The following DGLUCY variants were observed in gnomAD, a reference collection of about 807,000 sequenced individuals.
The protein encoded by DGLUCY is D-glutamate cyclase.
DGLUCY carries 58 observed loss-of-function variants against 58.5 expected under a neutral mutation model. The ratio of observed to expected loss-of-function variants is 0.99; its 90% CI spans 0.80 to 1.23. DGLUCY has a LOEUF of 1.23. Among genes scored for constraint, DGLUCY ranks in the 50% most tolerant of loss-of-function variants. DGLUCY has a pLI of 0.00. For synonymous variants in DGLUCY, 325 were observed against 314.1 expected, an observed-to-expected ratio of 1.03 and a Z score of -0.37; for missense variants, 779 against 784.7, an observed-to-expected ratio of 0.99 and a Z score of 0.09.
chr14:91,083,583 C>G (rs902580574), intron 1 of DGLUCY, among the ~76,000 whole-genome samples: 2 of 151,824 alleles, frequency 1.3e-5, no homozygotes, highest in African/African-American at 2.4e-5. Context: ...CACGCCTGAC[C>G]CAGATGTCCT....
At chr14:91,223,653 C>A in intron 13 of DGLUCY, 1 of 1,278,666 alleles carries the variant, frequency 7.8e-7, no homozygotes, top group Non-Finnish European at 1.0e-6. Context: ...GAGGATCAAA[C>A]CACTTTTTTT....
chr14:91,086,560 A>G (rs1383275149), intron 1 of DGLUCY, among the ~76,000 whole-genome samples: 5 of 152,184 alleles, frequency 3.3e-5, no homozygotes, highest in Non-Finnish European at 5.9e-5. Flanking sequence ...AAAAGCCTGT[A>G]CATGTTCAGT....
rs1289197452 is a variant in DGLUCY at position 91,224,711 on chromosome 14, C to T, written c.1744C>T (p.Gln582Ter). 6.2e-7 allele frequency: 1 copy of T among 1,609,428 alleles called. No homozygotes were observed. The highest frequency in any genetic ancestry group is 1.1e-5 in the South Asian group (1 of 90,834). ...AGAAAAAATGCTGGGCATCTTGGTG[C>T]AGCACAAAGTCCGGAGTGGCGTCTC... is the stretch of plus-strand genomic sequence containing the variant. ...KEEKMLGILV[Q>*]HKVRSGVSGI... Residue 582 changes from glutamine to a stop codon, truncating the protein, a stop_gained, in exon 14 of 14, where the codon CAG becomes TAG. Transcript: ENST00000256324. LOFTEE classifies it low-confidence loss of function (END_TRUNC).
At chr14:91,174,005 T>A (rs1200106142) in intron 6 of DGLUCY, among the ~76,000 whole-genome samples, 1 of 152,104 alleles carries the variant, frequency 6.6e-6, no homozygotes, top group Admixed American at 6.6e-5. Context: ...AAGGTAGGAT[T>A]AGAGGGTTGG....
intron 9 of DGLUCY, among the ~76,000 whole-genome samples, chr14:91,190,978 C>G (rs1018958511): frequency 6.6e-6 from 1 of 152,120 alleles, no homozygotes. Flanking sequence ...TCCCTTCAGC[C>G]GCACTTCTGA....
At chr14:91,149,140 G>A (rs985002811) in intron 1 of DGLUCY, among the ~76,000 whole-genome samples, 4 of 151,396 alleles carry the variant, frequency 2.6e-5, no homozygotes, top group African/African-American at 9.7e-5. Flanking sequence ...CCAGCTACTC[G>A]GGAGGCTGAG....
intron 10 of DGLUCY, among the ~76,000 whole-genome samples, chr14:91,198,758 C>T (rs2050373674): frequency 6.6e-6 from 1 of 152,164 alleles, no homozygotes; most frequent in Non-Finnish European, 1.5e-5. Flanking sequence ...GGCTTCATGA[C>T]AAGCGCCTCC....
intron 6 of DGLUCY, chr14:91,173,732 CAGATGCCCCTCAGGTTTAA>C: frequency 3.3e-6 from 1 of 304,458 alleles, no homozygotes; most frequent in Non-Finnish European, 6.1e-6. Flanking sequence ...GCTGGGCTTA[CAGATGCCCCTCAGGTTTAA>C]AGGTGCCACC....
chr14:91,071,866 CAAAAAA>C (rs921798938), intron 1 of DGLUCY, among the ~76,000 whole-genome samples: 13 of 108,340 alleles, frequency 1.2e-4, no homozygotes, highest in African/African-American at 4.5e-4. Flanking sequence ...GACTCCATCT[CAAAAAA>C]AAAAAAAAGA....
At chr14:91,151,741 G>T (rs796181165) in intron 1 of DGLUCY, among the ~76,000 whole-genome samples, 2 of 148,836 alleles carry the variant, frequency 1.3e-5, no homozygotes, top group African/African-American at 5.0e-5. Flanking sequence ...TGCAACCTCC[G>T]CCTCCTGAGT....
chr14:91,089,227 G>A (rs1049790903), intron 1 of DGLUCY, among the ~76,000 whole-genome samples: 6 of 152,320 alleles, frequency 3.9e-5, no homozygotes, highest in Middle Eastern at 6.8e-3. Flanking sequence ...GAAAGTCAGG[G>A]TTCTTTTGAT....
intron 1 of DGLUCY, among the ~76,000 whole-genome samples, chr14:91,084,328 C>T (rs1277888187): frequency 3.3e-5 from 5 of 151,866 alleles, no homozygotes; most frequent in African/African-American, 7.3e-5. Context: ...CTCAGCCTCC[C>T]GAGTAGCTGG....
chr14:91,173,526 T>A lies in DGLUCY; in HGVS notation c.607+87T>A, dbSNP rs540656467. The A allele has an allele frequency of 3.5e-6, 5 of 1,443,328 alleles. No individual in the cohort carries two copies. In the South Asian group the frequency reaches 7.2e-5, roughly 21 times the overall value. The allele number at this position is 1,443,328 out of a possible 1,614,324, so 89.4% of individuals were successfully genotyped here. A position where few individuals can be genotyped will look rare whatever the true frequency, so the allele number is the denominator to read the frequency against. On this transcript the variant is annotated intron_variant, in intron 6 of 13. Transcript: ENST00000256324. ...CTCTCGCTCCTGCCCATGATCCCCC[T>A]GTTCACATCGGCGACCCAGGTCAGT...
chr14:91,061,760 G>C (rs1028595695), intron 1 of DGLUCY, among the ~76,000 whole-genome samples: 2 of 152,220 alleles, frequency 1.3e-5, no homozygotes, highest in African/African-American at 4.8e-5. Context: ...AGCTGACAAG[G>C]TGAGGTGTGG....
At chr14:91,131,388 T>G (rs993510628) in intron 1 of DGLUCY, among the ~76,000 whole-genome samples, 1 of 151,964 alleles carries the variant, frequency 6.6e-6, no homozygotes, top group Non-Finnish European at 1.5e-5. Context: ...ATATTCTCTT[T>G]TTTTTTTGTC....
chr14:91,074,635 C>T (rs905068126), intron 1 of DGLUCY, among the ~76,000 whole-genome samples: 7 of 152,042 alleles, frequency 4.6e-5, no homozygotes, highest in South Asian at 2.1e-4. Context: ...ACAGACTGAC[C>T]GTAAAACATG....
chr14:91,125,545 G>A (rs1451436276), intron 1 of DGLUCY: 3 of 152,160 alleles, frequency 2.0e-5, no homozygotes, highest in Non-Finnish European at 4.4e-5. Context: ...CTTCCTTCTC[G>A]AGCCAGCTCT....
At chr14:91,119,327 T>C (rs749472122) in intron 1 of DGLUCY, among the ~76,000 whole-genome samples, 4 of 152,200 alleles carry the variant, frequency 2.6e-5, no homozygotes, top group Admixed American at 6.5e-5. Flanking sequence ...CTAAATGATA[T>C]ACCTCAGAGT....
At chr14:91,109,552 C>T (rs538561015), upstream of DGLUCY, among the ~76,000 whole-genome samples, 92 of 152,256 alleles carry the variant, frequency 6.0e-4, no homozygotes, top group African/African-American at 2.0e-3. Flanking sequence ...GCAGGGAACA[C>T]GGAGGTAATT....
Sources: allele counts gnomAD v4.1 joint callset (sites outside exome capture counted in the v4.1 genomes callset), GRCh38; gene constraint gnomAD v4.1.1; transcripts MANE v1.5; gene names NCBI Gene and HGNC (gene_info 2026-07-23, HGNC 2026-07-21).